Variants in GLI2 observed in about 807,000 individuals in gnomAD.
GLI2 encodes transcription activator GLI2.
GLI2 carries 22 observed loss-of-function variants against 78.9 expected under a neutral mutation model. That is an observed-to-expected ratio of 0.28 (90% confidence interval 0.20 to 0.40). The LOEUF (loss-of-function observed/expected upper bound fraction) is 0.40. Ranked by LOEUF, GLI2 falls within the 10% of genes least tolerant of loss-of-function variation. The pLI, the probability that GLI2 is intolerant of heterozygous loss-of-function variation, is 1.00. For missense variants in GLI2, 2,097 were observed against 2,213.2 expected (o/e 0.95, Z 1.05); for synonymous variants, 974 against 963.7 (o/e 1.01, Z -0.20).
intron 1 of GLI2, among the ~76,000 whole-genome samples, chr2:120,743,065 G>C (rs939192390): frequency 2.0e-5 from 3 of 152,178 alleles, no homozygotes; most frequent in African/African-American, 7.2e-5. Flanking sequence ...ACCATACCAA[G>C]TGGCCTAAGG....
At chr2:120,852,251 T>C (rs1573480361) in intron 2 of GLI2, among the ~76,000 whole-genome samples, 1 of 152,300 alleles carries the variant, frequency 6.6e-6, no homozygotes. Flanking sequence ...GAGTCATCCC[T>C]ACCCTGCCCA....
chr2:120,855,807 G>C (rs1023002244), intron 2 of GLI2, among the ~76,000 whole-genome samples: 2 of 152,176 alleles, frequency 1.3e-5, no homozygotes, highest in African/African-American at 4.8e-5. Context: ...CAGCTGGTAA[G>C]GGGTGGAGCA....
intron 1 of GLI2, among the ~76,000 whole-genome samples, chr2:120,786,877 C>T (rs539788785): frequency 2.0e-5 from 3 of 152,254 alleles, no homozygotes; most frequent in African/African-American, 7.2e-5. Flanking sequence ...CTGCTCACCA[C>T]GTGGACTTTG....
At chr2:120,881,649 GTTTGGGGGAGGACA>G (rs1677138006) in intron 2 of GLI2, among the ~76,000 whole-genome samples, 1 of 86,248 alleles carries the variant, frequency 1.2e-5, no homozygotes, top group Non-Finnish European at 2.3e-5. Context: ...AAGGAGGGCA[GTTTGGGGGAGGACA>G]GTGTGGGGAC....
chr2:120,970,273 G>A, intron 6 of GLI2, 120 bp from the exon 7 acceptor site: 3 of 658,472 alleles, frequency 4.6e-6, no homozygotes, highest in Non-Finnish European at 2.8e-6. Flanking sequence ...CACGGTGATG[G>A]TGGGGCTAGC....
At chr2:120,805,389 G>A (rs1684902720) in intron 2 of GLI2, among the ~76,000 whole-genome samples, 1 of 152,262 alleles carries the variant, frequency 6.6e-6, no homozygotes, top group East Asian at 1.9e-4. Flanking sequence ...CAGTGTCAGA[G>A]GACAGTGCCG....
chr2:120,905,666 T>C (rs142756515), intron 2 of GLI2, among the ~76,000 whole-genome samples: 88 of 152,304 alleles, frequency 5.8e-4, no homozygotes, highest in African/African-American at 2.1e-3. Context: ...TCCTCAGGGC[T>C]TGGGCTTGGG....
chr2:120,931,116 A>G (rs11122831), intron 3 of GLI2, among the ~76,000 whole-genome samples: 131,534 of 152,270 alleles, frequency 0.86, 58,078 homozygotes, highest in East Asian at 1. Flanking sequence ...AAACAATGTA[A>G]ACTTATCCTC....
chr2:120,978,695 C>A, intron 10 of GLI2, 112 bp downstream of exon 10: 2 of 1,175,922 alleles, frequency 1.7e-6, no homozygotes, highest in Non-Finnish European at 2.4e-6. Flanking sequence ...GTGGGGCAGA[C>A]CACAGCAGGG....
chr2:120,988,493 C>A lies in GLI2; in HGVS notation c.2528C>A (p.Thr843Lys). 1 of 1,542,814 alleles carries A rather than the reference C, an allele frequency of 6.5e-7. No individual in the cohort carries two copies. Among genetic ancestry groups the A allele is most frequent in the Non-Finnish European group, 8.7e-7 (1 of 1,154,094 alleles). The change falls in exon 14 of 14, where the codon ACG (threonine) becomes AAG (lysine). Residue 843 changes from threonine to lysine, a missense_variant. Physicochemically the swap from Thr to Lys is moderately conservative, Grantham distance 78. Coordinates refer to ENST00000361492, the MANE Select transcript of GLI2 (RefSeq NM_001374353.1). ...GCTGACTCCTACGACCCCATCTCCA[C>A]GGACGCGTCGCGGCGCTCGAGCGAG... ...SSADSYDPIS[T>K]DASRRSSEAS...
At chr2:120,874,393 G>A (rs1193511745) in intron 2 of GLI2, among the ~76,000 whole-genome samples, 1 of 152,228 alleles carries the variant, frequency 6.6e-6, no homozygotes, top group Non-Finnish European at 1.5e-5. Context: ...GGATGGTGAG[G>A]GTTTGGAGAA....
intron 2 of GLI2, among the ~76,000 whole-genome samples, chr2:120,807,600 A>G (rs1375605328): frequency 6.6e-6 from 1 of 152,214 alleles, no homozygotes; most frequent in African/African-American, 2.4e-5. Context: ...GAGAAACAGC[A>G]TGGGCAAAGG....
Position 120,989,404 on chromosome 2 carries a change from C to G in GLI2, c.3439C>G (p.Pro1147Ala), listed in dbSNP as rs769864629. Reference protein sequence around the residue: ...VDALASQVKPPPFPQGNLAVV... With the variant: ...VDALASQVKPAPFPQGNLAVV... ...CGCCCTGGCCAGCCAGGTGAAGCCT[C>G]CACCCTTTCCTCAGGGCAACCTGGC... is the stretch of plus-strand genomic sequence containing the variant. The change falls in exon 14 of 14, where the codon CCA (proline) becomes GCA (alanine). Residue 1147 changes from proline to alanine, a missense_variant. Pro to Ala is a conservative substitution (Grantham distance 27, BLOSUM62 -1). Around this residue, in one of 5 missense-constraint regions of GLI2, gnomAD observed 1,290 missense variants for 1,261.7 expected, o/e 1.02. Transcript: ENST00000361492. 1.2e-6 allele frequency: 2 copies of G among 1,613,050 alleles called. No individual in the cohort carries two copies. Among genetic ancestry groups the G allele is most frequent in the Non-Finnish European group, 1.7e-6 (2 of 1,179,980 alleles).
intron 2 of GLI2, among the ~76,000 whole-genome samples, chr2:120,859,452 C>CTTTTT (rs57311162): frequency 4.0e-5 from 5 of 125,484 alleles, no homozygotes; most frequent in Non-Finnish European, 8.3e-5. Context: ...ATACTCCCTC[C>CTTTTT]TTTTTTTTTT....
intron 2 of GLI2, among the ~76,000 whole-genome samples, chr2:120,843,815 T>C (rs1023623698): frequency 6.6e-6 from 1 of 152,148 alleles, no homozygotes; most frequent in African/African-American, 2.4e-5. Flanking sequence ...TACAGGTACA[T>C]GCCACCACGC....
intron 1 of GLI2, among the ~76,000 whole-genome samples, chr2:120,745,029 G>C (rs1396945887): frequency 1.3e-5 from 2 of 152,214 alleles, no homozygotes; most frequent in African/African-American, 4.8e-5. Flanking sequence ...GTTGCAGCAA[G>C]GAAACTAGCT....
chr2:120,921,207 A>G (rs1163468838), intron 2 of GLI2, among the ~76,000 whole-genome samples: 5 of 151,924 alleles, frequency 3.3e-5, no homozygotes, highest in Non-Finnish European at 2.9e-5. Flanking sequence ...CCCTCAGGTT[A>G]CTTGGGAAGA....
intron 2 of GLI2, among the ~76,000 whole-genome samples, chr2:120,915,588 C>T (rs897960846): frequency 5.9e-5 from 9 of 152,128 alleles, no homozygotes; most frequent in African/African-American, 2.2e-4. Flanking sequence ...GATTCGTGCT[C>T]TTTTGGTGCT....
At chr2:120,974,210 G>A (rs138242557) in intron 8 of GLI2, among the ~76,000 whole-genome samples, 200 of 152,158 alleles carry the variant, frequency 1.3e-3, no homozygotes, top group African/African-American at 4.6e-3. Flanking sequence ...TAGGCCCTCC[G>A]TGGACTTTCC....
Sources: allele counts gnomAD v4.1 joint callset (sites outside exome capture counted in the v4.1 genomes callset), GRCh38; gene constraint gnomAD v4.1.1; regional missense constraint gnomAD v4.1.1; transcripts MANE v1.5; gene names NCBI Gene and HGNC (gene_info 2026-07-23, HGNC 2026-07-21).